Variants in DPY19L1 observed in about 807,000 individuals in gnomAD.
DPY19L1 encodes dpy-19 like C-mannosyltransferase 1, also known as protein C-mannosyl-transferase DPY19L1.
Under a neutral mutation model 96.9 loss-of-function variants are expected in DPY19L1, and 35 were observed. The observed-to-expected ratio is 0.36, with a 90% CI of 0.28 to 0.48. The LOEUF (loss-of-function observed/expected upper bound fraction) is 0.48. Ranked by LOEUF, DPY19L1 falls within the 20% of genes least tolerant of loss-of-function variation. DPY19L1 has a pLI of 0.99. For synonymous variants in DPY19L1, 205 were observed against 252.6 expected (o/e 0.81, Z 1.79); for missense variants, 521 against 777.9 (o/e 0.67, Z 3.93).
chr7:35,017,362 GC>G (rs1198775682), intron 3 of DPY19L1, among the ~76,000 whole-genome samples: 21 of 151,686 alleles, frequency 1.4e-4, no homozygotes, highest in African/African-American at 4.8e-4. Flanking sequence ...GGGCGCGGTG[GC>G]GGGCGCCTGT....
chr7:34,974,900 T>C (rs543667089), intron 7 of DPY19L1, among the ~76,000 whole-genome samples: 1 of 152,332 alleles, frequency 6.6e-6, no homozygotes, highest in Non-Finnish European at 1.5e-5. Flanking sequence ...TCTGCTACGG[T>C]GATCTGTGAT....
At chr7:34,959,927 A>ATATATATATATATATATATATT (rs1784466146) in intron 10 of DPY19L1, among the ~76,000 whole-genome samples, 12 of 27,396 alleles carry the variant, frequency 4.4e-4, no homozygotes, top group African/African-American at 9.3e-4. Context: ...ATATATATTT[A>ATATATATATATATATATATATT]TATATATATA....
intron 6 of DPY19L1, among the ~76,000 whole-genome samples, chr7:34,998,290 C>T (rs192939936): frequency 1.1e-4 from 16 of 152,028 alleles, no homozygotes; most frequent in African/African-American, 3.9e-4. Flanking sequence ...GTAGAGACAA[C>T]GGTAAAAATT....
intron 1 of DPY19L1, 70 bp downstream of exon 1, chr7:35,037,024 AGGG>A (rs1350227694): frequency 1.7e-3 from 7 of 4,058 alleles, no homozygotes; most frequent in African/African-American, 6.0e-3. Context: ...AAGGAAGGGG[AGGG>A]GAGGGGAGGG....
chr7:34,938,643 A>G (rs1783924615), intron 20 of DPY19L1, among the ~76,000 whole-genome samples: 1 of 152,254 alleles, frequency 6.6e-6, no homozygotes, highest in East Asian at 1.9e-4. Context: ...TTGTGAATGT[A>G]CATGCCATTG....
In DPY19L1 at chr7:34,940,151, A is replaced by C. The variant is rs748705798; in HGVS notation, c.1864+2T>G. 1.5e-6 allele frequency: 2 copies of C among 1,332,014 alleles called. No individual in the cohort carries two copies. Among genetic ancestry groups the C allele is most frequent in the Non-Finnish European group, 1.9e-6 (2 of 1,037,348 alleles). 82.5% of individuals were successfully genotyped at this position (1,332,014 alleles called of 1,614,324 possible). Reference sequence around the variant, plus strand: ...CTTTTTTTTTCTTTTTTTTTTTTTTACCTGGTTTAGTACTATATTTGATCC... The same window carrying C: ...CTTTTTTTTTCTTTTTTTTTTTTTTCCCTGGTTTAGTACTATATTTGATCC... On this transcript the variant is annotated splice_donor_variant, in intron 19 of 21. Coordinates refer to ENST00000638088, the MANE Select transcript of DPY19L1 (RefSeq NM_001366673.1). LOFTEE classifies it high-confidence loss of function.
At chr7:35,013,131 A>T (rs1785754845) in intron 4 of DPY19L1, among the ~76,000 whole-genome samples, 1 of 152,200 alleles carries the variant, frequency 6.6e-6, no homozygotes, top group Non-Finnish European at 1.5e-5. Context: ...AGAGTTCCAC[A>T]TCAACAAATT....
At chr7:35,024,804 T>C (rs1028272483) in intron 1 of DPY19L1, among the ~76,000 whole-genome samples, 3 of 152,238 alleles carry the variant, frequency 2.0e-5, no homozygotes, top group African/African-American at 7.2e-5. Flanking sequence ...AGCACCTAAA[T>C]AGCTAGTTAC....
At chr7:35,009,234 G>A (rs1230946798) in intron 6 of DPY19L1, among the ~76,000 whole-genome samples, 3 of 152,132 alleles carry the variant, frequency 2.0e-5, no homozygotes, top group Non-Finnish European at 4.4e-5. Flanking sequence ...AACTGAAAAT[G>A]CCACACTTCC....
At chr7:34,939,690 A>G (rs1199081429) in intron 19 of DPY19L1, among the ~76,000 whole-genome samples, 1 of 152,242 alleles carries the variant, frequency 6.6e-6, no homozygotes, top group Non-Finnish European at 1.5e-5. Context: ...GGACTAGGAA[A>G]GCTTTACAGT....
At chr7:34,949,683 T>C in intron 14 of DPY19L1, 114 bp downstream of exon 14, 3 of 673,590 alleles carry the variant, frequency 4.5e-6, no homozygotes, top group Middle Eastern at 4.9e-4. Context: ...CAGATTTTCC[T>C]TTTCCTTCAA....
intron 1 of DPY19L1, among the ~76,000 whole-genome samples, chr7:35,023,659 CT>C (rs1241884908): frequency 6.6e-6 from 1 of 152,100 alleles, no homozygotes; most frequent in African/African-American, 2.4e-5. Context: ...AGGCTATTCC[CT>C]CCAAGGCACA....
At chr7:35,016,878 TA>T (rs1486328593) in intron 3 of DPY19L1, among the ~76,000 whole-genome samples, 3 of 152,016 alleles carry the variant, frequency 2.0e-5, no homozygotes, top group African/African-American at 7.3e-5. Context: ...AACAAACAAA[TA>T]GCAGGAAAAC....
At position 34,930,793 on chromosome 7, in the gene DPY19L1, TA is replaced by T; in HGVS notation, c.*779del. 6.6e-6 allele frequency: 1 copy of T among 152,132 alleles called. No homozygotes were observed. Among genetic ancestry groups the T allele is most frequent in the South Asian group, 2.1e-4 (1 of 4,818 alleles). 9.4% of individuals were successfully genotyped at this position (152,132 alleles called of 1,614,324 possible). Reference sequence around the variant, plus strand: ...AAAATGAGAAAAATACAGTTACCATTAATTTTTTTTAAAACCAAGAATAAGT... The same window carrying T: ...AAAATGAGAAAAATACAGTTACCATTATTTTTTTTAAAACCAAGAATAAGT... On this transcript the variant is annotated 3_prime_UTR_variant, in exon 22 of 22. Coordinates refer to ENST00000638088, the MANE Select transcript of DPY19L1 (RefSeq NM_001366673.1).
chr7:34,983,312 T>C (rs1437819928), intron 7 of DPY19L1, among the ~76,000 whole-genome samples: 1 of 152,032 alleles, frequency 6.6e-6, no homozygotes, highest in African/African-American at 2.4e-5. Context: ...AAACAGTCAA[T>C]GGAGTTAAAT....
At chr7:35,025,120 C>T (rs1409192810) in intron 1 of DPY19L1, among the ~76,000 whole-genome samples, 4 of 152,024 alleles carry the variant, frequency 2.6e-5, no homozygotes, top group African/African-American at 4.8e-5. Context: ...TTCTGTATAG[C>T]GAACAAATGA....
intron 3 of DPY19L1, among the ~76,000 whole-genome samples, chr7:35,014,066 T>C (rs1785779988): frequency 6.6e-6 from 1 of 152,146 alleles, no homozygotes; most frequent in Non-Finnish European, 1.5e-5. Context: ...CTAAAATTTA[T>C]CATGAACCAA....
intron 1 of DPY19L1, among the ~76,000 whole-genome samples, chr7:35,023,295 A>C (rs1786039292): frequency 6.6e-6 from 1 of 152,092 alleles, no homozygotes; most frequent in Non-Finnish European, 1.5e-5. Context: ...TGGGATCTGT[A>C]ATTTTAAGAT....
chr7:34,996,951 G>A (rs1268341898), intron 6 of DPY19L1, among the ~76,000 whole-genome samples: 1 of 152,166 alleles, frequency 6.6e-6, no homozygotes, highest in African/African-American at 2.4e-5. Flanking sequence ...AGTCATCCCA[G>A]GAGGATGGGC....
Sources: gnomAD v4.1 joint callset for allele counts (sites outside exome capture counted in the v4.1 genomes callset) on GRCh38, gnomAD v4.1.1 for gene constraint, MANE v1.5 for transcripts, NCBI Gene and HGNC (gene_info 2026-07-23, HGNC 2026-07-21) for gene names.